The following ADRA1B variants were observed in gnomAD, a reference collection of about 807,000 sequenced individuals.
The protein encoded by ADRA1B is adrenoceptor alpha 1B.
ADRA1B carries 17 observed loss-of-function variants against 17.9 expected under a neutral mutation model. The observed-to-expected ratio is 0.95, with a 90% CI of 0.65 to 1.42. ADRA1B has a LOEUF of 1.42. Ranked by LOEUF, ADRA1B falls within the 40% of genes most tolerant of loss-of-function variation. ADRA1B has a pLI of 0.00. For synonymous variants in ADRA1B, 366 were observed against 327.6 expected (o/e 1.12, Z -1.27); for missense variants, 681 against 722.1 (o/e 0.94, Z 0.65).
chr5:159,928,824 G>A (rs1016025193), intron 1 of ADRA1B, among the ~76,000 whole-genome samples: 4 of 152,310 alleles, frequency 2.6e-5, no homozygotes, highest in South Asian at 2.1e-4. Context: ...GCACTGGGCC[G>A]GGCGGAGATC....
chr5:159,935,607 C>T (rs1754931866), intron 1 of ADRA1B, among the ~76,000 whole-genome samples: 1 of 152,062 alleles, frequency 6.6e-6, no homozygotes. Flanking sequence ...AGAACCGTGG[C>T]GCAATCTCGG....
At chr5:159,952,856 A>G (rs1755471665) in intron 1 of ADRA1B, among the ~76,000 whole-genome samples, 1 of 152,238 alleles carries the variant, frequency 6.6e-6, no homozygotes, top group African/African-American at 2.4e-5. Flanking sequence ...ATCAGCACAC[A>G]TTCTCCACCT....
chr5:159,962,364 CTGGTGCTGCCATCTGTCTGAG>C (rs371118560), intron 1 of ADRA1B, among the ~76,000 whole-genome samples: 2,138 of 152,170 alleles, frequency 0.014, 17 homozygotes, highest in South Asian at 0.031. Context: ...GGACCTCAGA[CTGGTGCTGCCATCTGTCTGAG>C]TGGTGCTGCC....
chr5:159,905,585 A>G (rs1754154092), intron 1 of ADRA1B, among the ~76,000 whole-genome samples: 1 of 152,264 alleles, frequency 6.6e-6, no homozygotes, highest in Non-Finnish European at 1.5e-5. Context: ...TTGGAGGAAC[A>G]AAAAGAAACA....
In ADRA1B at chr5:159,972,092, A is replaced by T; in HGVS notation, c.1163A>T (p.Tyr388Phe). The T allele has an allele frequency of 1.5e-6, 2 of 1,290,886 alleles. No homozygotes were observed. The highest frequency in any genetic ancestry group is 5.0e-5 in the South Asian group (2 of 39,694). 80.0% of individuals were successfully genotyped at this position (1,290,886 alleles called of 1,614,324 possible). ...RRRLGGCAYT[Y>F]RPWTRGGSLE... ...CGCCTGGGCGGCTGCGCCTACACCT[A>T]CCGGCCGTGGACGCGCGGCGGCTCG... is the stretch of plus-strand genomic sequence containing the variant. Residue 388 changes from tyrosine to phenylalanine, a missense_variant, in exon 2 of 2, where the codon TAC becomes TTC. By Grantham distance (22) the Tyr-to-Phe change is conservative. Around this residue, in one of 3 missense-constraint regions of ADRA1B, gnomAD observed 251 missense variants for 224.9 expected, o/e 1.12. Transcript: ENST00000306675.
At chr5:159,866,196 A>T (rs1753650561) in intron 1 of ADRA1B, among the ~76,000 whole-genome samples, 1 of 151,774 alleles carries the variant, frequency 6.6e-6, no homozygotes, top group South Asian at 2.1e-4. Context: ...GTCCCAGCTA[A>T]TCAGGAGGCT....
chr5:159,890,217 A>G (rs561341881), intron 1 of ADRA1B, among the ~76,000 whole-genome samples: 20 of 152,204 alleles, frequency 1.3e-4, no homozygotes, highest in Non-Finnish European at 2.4e-4. Flanking sequence ...CATCTCCCAG[A>G]CCATAGATGG....
At chr5:159,922,633 G>A (rs1581036140) in intron 1 of ADRA1B, among the ~76,000 whole-genome samples, 2 of 152,184 alleles carry the variant, frequency 1.3e-5, no homozygotes, top group African/African-American at 2.4e-5. Context: ...CCTGTACTGT[G>A]TATGACAAGG....
chr5:159,905,136 C>A (rs1362753638), intron 1 of ADRA1B, among the ~76,000 whole-genome samples: 1 of 152,134 alleles, frequency 6.6e-6, no homozygotes, highest in Non-Finnish European at 1.5e-5. Flanking sequence ...TAGAAAAGGT[C>A]AGATTTGGGG....
chr5:159,934,039 G>C (rs1341469867), intron 1 of ADRA1B, among the ~76,000 whole-genome samples: 3 of 152,246 alleles, frequency 2.0e-5, no homozygotes, highest in African/African-American at 7.2e-5. Context: ...GGCCCTGGAA[G>C]ATGCCAGACT....
chr5:159,919,382 G>C (rs537031328), intron 1 of ADRA1B, among the ~76,000 whole-genome samples: 1 of 152,312 alleles, frequency 6.6e-6, no homozygotes, highest in South Asian at 2.1e-4. Context: ...GATCATGGTT[G>C]TACATGGAGC....
chr5:159,951,653 G>A (rs1755443849), intron 1 of ADRA1B, among the ~76,000 whole-genome samples: 2 of 152,218 alleles, frequency 1.3e-5, no homozygotes, highest in South Asian at 4.2e-4. Context: ...TGCTCCTCGG[G>A]CCGGAACCTG....
At chr5:159,890,222 A>AG (rs1753967643) in intron 1 of ADRA1B, among the ~76,000 whole-genome samples, 1 of 152,142 alleles carries the variant, frequency 6.6e-6, no homozygotes, top group South Asian at 2.1e-4. Context: ...CCCAGACCAT[A>AG]GATGGCCCCA....
At chr5:159,926,649 G>C (rs948474660) in intron 1 of ADRA1B, among the ~76,000 whole-genome samples, 5 of 152,144 alleles carry the variant, frequency 3.3e-5, no homozygotes, top group African/African-American at 1.2e-4. Context: ...CACTTTGGGA[G>C]GCCGAGGCGG....
intron 1 of ADRA1B, among the ~76,000 whole-genome samples, chr5:159,931,246 T>C (rs1754794949): frequency 6.6e-6 from 1 of 150,954 alleles, no homozygotes; most frequent in African/African-American, 2.4e-5. Context: ...AAATAAAAAT[T>C]AGCCTCATGT....
intron 1 of ADRA1B, among the ~76,000 whole-genome samples, chr5:159,932,490 A>G (rs114112332): frequency 0.03 from 4,505 of 152,256 alleles, 109 homozygotes; most frequent in Middle Eastern, 0.082. Context: ...ACTGAATTCC[A>G]TAATAGAAGG....
At chr5:159,975,505 G>A (rs1755958148), downstream of ADRA1B, among the ~76,000 whole-genome samples, 1 of 152,200 alleles carries the variant, frequency 6.6e-6, no homozygotes, top group African/African-American at 2.4e-5. Context: ...CTGGGCAGAT[G>A]CAAGTTATAA....
rs1211196500 is a variant in ADRA1B, at chr5:159,972,418, G to A, written c.1489G>A (p.Glu497Lys). ...CGGCGGCGCCAGCAACGGAGGCTGC[G>A]AGGCCGCGGCCGACGTGGCCAACGG... The part of the protein sequence containing the change: ...TDGGASNGGC[E>K]AAADVANGQP... Residue 497 changes from glutamate to lysine, a missense_variant, in exon 2 of 2, where the codon GAG (glutamate) becomes AAG (lysine). Glu to Lys is a moderately conservative substitution (Grantham distance 56). This residue lies in a region of ADRA1B where 251 missense variants were observed against 224.9 expected (regional missense o/e 1.12). Transcript: ENST00000306675. The A allele has an allele frequency of 4.0e-6, 6 of 1,507,474 alleles. No homozygotes were observed. Among genetic ancestry groups the A allele is most frequent in the Non-Finnish European group, 4.4e-6 (5 of 1,134,160 alleles). The allele number at this position is 1,507,474 out of a possible 1,614,324, so 93.4% of individuals were successfully genotyped here. A position where few individuals can be genotyped will look rare whatever the true frequency, so the allele number is the denominator to read the frequency against.
intron 1 of ADRA1B, among the ~76,000 whole-genome samples, chr5:159,887,258 T>C (rs1753935333): frequency 6.6e-6 from 1 of 152,210 alleles, no homozygotes; most frequent in African/African-American, 2.4e-5. Flanking sequence ...TATCAAGCTA[T>C]GTTAATGGCA....
Sources: allele counts gnomAD v4.1 joint callset (sites outside exome capture counted in the v4.1 genomes callset), GRCh38; gene constraint gnomAD v4.1.1; regional missense constraint gnomAD v4.1.1; transcripts MANE v1.5; gene names NCBI Gene and HGNC (gene_info 2026-07-23, HGNC 2026-07-21).